Variants in INPP5D observed in about 807,000 individuals in gnomAD.
INPP5D encodes the protein inositol polyphosphate-5-phosphatase D.
A neutral mutation model predicts 122.9 loss-of-function variants in INPP5D; 33 were observed. That is an observed-to-expected ratio of 0.27 (90% CI 0.20 to 0.36). The LOEUF (loss-of-function observed/expected upper bound fraction) is 0.36, where lower values mean the gene tolerates loss of function less well. Among genes scored for constraint, INPP5D ranks in the 10% least tolerant of loss-of-function variants. INPP5D has a pLI of 1.00. For missense variants in INPP5D, 1,053 were observed against 1,412.7 expected (o/e 0.75, Z 4.08); for synonymous variants, 584 against 576.2 (o/e 1.01, Z -0.19).
At chr2:233,109,204 A>ATTT (rs1385178207) in intron 2 of INPP5D, among the ~76,000 whole-genome samples, 2 of 152,134 alleles carry the variant, frequency 1.3e-5, no homozygotes, top group Non-Finnish European at 2.9e-5. Context: ...ATCCACCTCC[A>ATTT]TCCTGCAGCC....
At chr2:233,083,020 T>A (rs1276122145) in intron 2 of INPP5D, among the ~76,000 whole-genome samples, 5 of 152,158 alleles carry the variant, frequency 3.3e-5, no homozygotes, top group Non-Finnish European at 2.9e-5. Flanking sequence ...TGGTTATAGA[T>A]AATATTTGAT....
chr2:233,178,703 C>T (rs1019079820), intron 18 of INPP5D, among the ~76,000 whole-genome samples: 6 of 152,116 alleles, frequency 3.9e-5, no homozygotes, highest in East Asian at 1.9e-4. Context: ...AGGCTGGTCT[C>T]GAACTCCTGA....
chr2:233,204,582 A>C lies in INPP5D; in HGVS notation c.3432A>C (p.Pro1144=). ...CCCCGACGCCGCGGCCGCCGCTGCCAGTCAAGAGCCCGGCGGTGCTGCACC... is the reference window on the plus strand; with the variant it reads ...CCCCGACGCCGCGGCCGCCGCTGCCCGTCAAGAGCCCGGCGGTGCTGCACC... The part of the protein sequence containing the change: ...PPTPTPRPPL[P]VKSPAVLHLQ... Residue 1144 remains proline, a synonymous_variant, in exon 26 of 27, where the codon CCA becomes CCC. Transcript: ENST00000445964. 1 of 1,568,344 alleles carries C rather than the reference A, an allele frequency of 6.4e-7. No homozygotes were observed.
intron 9 of INPP5D, among the ~76,000 whole-genome samples, chr2:233,155,557 G>A (rs1348187535): frequency 6.6e-6 from 1 of 152,056 alleles, no homozygotes; most frequent in Non-Finnish European, 1.5e-5. Flanking sequence ...AGGAGGCAGA[G>A]GTTGCGGTGA....
intron 2 of INPP5D, among the ~76,000 whole-genome samples, chr2:233,091,679 GGC>G (rs1691997764): frequency 6.6e-6 from 1 of 152,166 alleles, no homozygotes; most frequent in Admixed American, 6.5e-5. Flanking sequence ...CCAACCTCGA[GGC>G]CAGCACATGA....
chr2:233,087,919 T>G (rs952827085), intron 2 of INPP5D, among the ~76,000 whole-genome samples: 1 of 152,178 alleles, frequency 6.6e-6, no homozygotes, highest in African/African-American at 2.4e-5. Flanking sequence ...TTTTCTGGAC[T>G]CAGTTCTGCT....
intron 5 of INPP5D, chr2:233,134,012 C>T (rs971260576): frequency 2.6e-5 from 12 of 456,178 alleles, no homozygotes; most frequent in Middle Eastern, 3.3e-4. Context: ...ACCTGGGACA[C>T]GTGTGCATGG....
In INPP5D at chr2:233,146,171, G is replaced by A; in HGVS notation, c.763G>A (p.Glu255Lys). ...TTCCCTCCTCTCCCAGGTTCCTGGT[G>A]AGGCCAATCCCATCAACATGGTGTC... is the stretch of plus-strand genomic sequence containing the variant. ...GLRPRPQVPG[E>K]ANPINMVSKL... The change falls in exon 7 of 27, where the codon GAG (glutamate) becomes AAG (lysine). Residue 255 changes from glutamate to lysine, a missense_variant. By Grantham distance (56) the Glu-to-Lys change is moderately conservative. Around this residue, in one of 6 missense-constraint regions of INPP5D, gnomAD observed 196 missense variants for 175.6 expected, o/e 1.12. Transcript: ENST00000445964. 1.4e-6 allele frequency: 1 copy of A among 704,216 alleles called. No homozygotes were observed. The highest frequency in any genetic ancestry group is 2.6e-6 in the Non-Finnish European group (1 of 385,002). The allele number at this position is 704,216 out of a possible 1,614,324, so 43.6% of individuals were successfully genotyped here.
chr2:233,156,539 CCTGCCTCAGCCTCCCAAAGTG>C (rs1694058682), intron 9 of INPP5D, among the ~76,000 whole-genome samples: 1 of 152,164 alleles, frequency 6.6e-6, no homozygotes, highest in African/African-American at 2.4e-5. Flanking sequence ...AGGCAATCTG[CCTGCCTCAGCCTCCCAAAGTG>C]CTAGGATTAC....
At chr2:233,167,399 G>A (rs1273847322) in intron 13 of INPP5D, among the ~76,000 whole-genome samples, 3 of 150,366 alleles carry the variant, frequency 2.0e-5, no homozygotes, top group Non-Finnish European at 4.4e-5. Flanking sequence ...CACTCGGGCA[G>A]GGACTCTTAT....
chr2:233,169,917 C>A, intron 14 of INPP5D, 109 bp from the exon 15 acceptor site: 1 of 1,566,922 alleles, frequency 6.4e-7, no homozygotes, highest in South Asian at 1.2e-5. Flanking sequence ...CTCACTTCCC[C>A]CCACCTGCTA....
rs376428985 is a variant in INPP5D, at chr2:233,195,470, A to T, written c.2668A>T (p.Met890Leu). The T allele has an allele frequency of 6.2e-7, 1 of 1,605,184 alleles. No homozygotes were observed. Among genetic ancestry groups the T allele is most frequent in the Non-Finnish European group, 8.5e-7 (1 of 1,174,448 alleles). The stretch of plus-strand genomic sequence containing the variant: ...GAAGAGCCTCACCAGCCACGACCCC[A>T]TGAAGCAGTGGGAAGTCACTAGCAG... ...TLKSLTSHDP[M>L]KQWEVTSRAP... The change falls in exon 24 of 27, where the codon ATG becomes TTG. Residue 890 changes from methionine (M) to leucine (L), a missense_variant. Coordinates refer to ENST00000445964, the MANE Select transcript of INPP5D (RefSeq NM_001017915.3).
At chr2:233,163,649 C>T in intron 11 of INPP5D, 58 bp from the exon 12 acceptor site, 1 of 1,610,522 alleles carries the variant, frequency 6.2e-7, no homozygotes, top group Non-Finnish European at 8.5e-7. Flanking sequence ...TTGAATTCTC[C>T]TAATGCTTTG....
intron 22 of INPP5D, among the ~76,000 whole-genome samples, chr2:233,192,443 T>C (rs1197513142): frequency 6.6e-6 from 1 of 152,202 alleles, no homozygotes; most frequent in Admixed American, 6.5e-5. Flanking sequence ...TCCAGCCTCA[T>C]ACATAGGCAT....
At chr2:233,110,376 T>A (rs1692588395) in intron 2 of INPP5D, among the ~76,000 whole-genome samples, 1 of 151,964 alleles carries the variant, frequency 6.6e-6, no homozygotes. Context: ...TTTTATTTTT[T>A]TTTAATAGAG....
In INPP5D at chr2:233,164,111, C is replaced by G. The variant is rs1694263194; in HGVS notation, c.1438-196C>G. Among the ~76,000 whole-genome samples the G allele has an allele frequency of 6.6e-6, 1 of 152,156 alleles. No individual in the cohort carries two copies. The highest frequency in any genetic ancestry group is 2.4e-5 in the African/African-American group (1 of 41,438). On this transcript the variant is annotated intron_variant, in intron 12 of 26. Coordinates refer to ENST00000445964, the MANE Select transcript of INPP5D (RefSeq NM_001017915.3). This position sits in a 1 kb window ranked among gnomAD's most constrained non-coding sequence, Gnocchi z 4.3. ...CCACTGAGTCCTCTATCTTCCCACCCTTGGTCAGCCCCGGTTCTCATCTTT... is the reference window on the plus strand; with the variant it reads ...CCACTGAGTCCTCTATCTTCCCACCGTTGGTCAGCCCCGGTTCTCATCTTT...
intron 17 of INPP5D, among the ~76,000 whole-genome samples, chr2:233,174,330 G>T (rs1397990392): frequency 2.6e-5 from 4 of 152,238 alleles, no homozygotes; most frequent in Non-Finnish European, 4.4e-5. Context: ...GTTGCGCTGT[G>T]ACGTGATGAC....
At position 233,128,076 on chromosome 2, in the gene INPP5D, G is replaced by A. The variant is rs577641266; in HGVS notation, c.524+2157G>A. On this transcript the variant is annotated intron_variant, in intron 4 of 26. Transcript: ENST00000445964. This position sits in a 1 kb window ranked among gnomAD's most constrained non-coding sequence, Gnocchi z 4.5. ...AGCAGGAGGTGAGCGGAGGGCAAGC[G>A]AGCATTACCACCTGAGCTCTGCCTC... is the stretch of plus-strand genomic sequence containing the variant. 3.3e-5 allele frequency among the ~76,000 whole-genome samples: 5 copies of A among 152,222 alleles called. No homozygotes were observed. The highest frequency in any genetic ancestry group is 1.9e-4 in the East Asian group (1 of 5,200).
In INPP5D at chr2:233,100,973, G is replaced by A. The variant is rs988271179; in HGVS notation, c.199-21134G>A. ...TCCTCACTGAACGGTAATCCCCTCC[G>A]TGTGCCCCCAACGAGTCATTCACCA... On this transcript the variant is annotated intron_variant, in intron 2 of 26. Transcript: ENST00000445964. The surrounding 1 kb of genome is among the most constrained non-coding windows in gnomAD (Gnocchi z 5.3). 6.1e-5 allele frequency among the ~76,000 whole-genome samples: 8 copies of A among 132,182 alleles called. No individual in the cohort carries two copies. The highest frequency in any genetic ancestry group is 2.7e-4 in the East Asian group (1 of 3,710). The allele number at this position is 132,182 out of a possible 152,430, so 86.7% of individuals were successfully genotyped here.
Sources: gnomAD v4.1 joint callset for allele counts (sites outside exome capture counted in the v4.1 genomes callset) on GRCh38, gnomAD v4.1.1 for gene constraint, gnomAD v4.1.1 regional missense constraint, Gnocchi (gnomAD v3.1) non-coding constraint, MANE v1.5 for transcripts, NCBI Gene and HGNC (gene_info 2026-07-23, HGNC 2026-07-21) for gene names.